Variants in KLHL25 observed in about 807,000 individuals in gnomAD.
KLHL25 encodes kelch like family member 25, also known as kelch-like protein 25.
KLHL25 carries 41 observed loss-of-function variants against 30.0 expected under a neutral mutation model. The observed-to-expected ratio is 1.37, with a 90% CI of 1.07 to 1.78. The LOEUF is 1.78. Among genes scored for constraint, KLHL25 ranks in the 40% most tolerant of loss-of-function variants. The pLI is 0.00. For synonymous variants in KLHL25, 399 were observed against 355.3 expected, an observed-to-expected ratio of 1.12 and a Z score of -1.38; for missense variants, 971 against 824.5, an observed-to-expected ratio of 1.18 and a Z score of -2.18.
At chr15:85,777,454 A>G (rs2089716960) in intron 1 of KLHL25, among the ~76,000 whole-genome samples, 1 of 152,138 alleles carries the variant, frequency 6.6e-6, no homozygotes, top group Admixed American at 6.5e-5. Context: ...TACTCTACAC[A>G]TGGCCCTACC....
At chr15:85,791,425 G>A (rs1306450823) in intron 1 of KLHL25, among the ~76,000 whole-genome samples, 1 of 152,156 alleles carries the variant, frequency 6.6e-6, no homozygotes, top group East Asian at 1.9e-4. Flanking sequence ...AATCCAGGAG[G>A]CAGAAGTTGC....
At chr15:85,766,094 G>T (rs748163109) in intron 2 of KLHL25, among the ~76,000 whole-genome samples, 14 of 152,218 alleles carry the variant, frequency 9.2e-5, no homozygotes, top group Non-Finnish European at 1.9e-4. Context: ...TTCAGCATTT[G>T]TATCAGCAGC....
intron 1 of KLHL25, among the ~76,000 whole-genome samples, chr15:85,779,778 G>A (rs1469633987): frequency 2.6e-5 from 4 of 152,184 alleles, no homozygotes; most frequent in Non-Finnish European, 4.4e-5. Context: ...AGGAACCTTA[G>A]TCTAGTGTCT....
rs1397430602 is a variant in KLHL25 at position 85,768,136 on chromosome 15, C to T, written c.1675G>A (p.Asp559Asn). 1 of 1,614,214 alleles carries T rather than the reference C, an allele frequency of 6.2e-7. No individual in the cohort carries two copies. The highest frequency in any genetic ancestry group is 8.5e-7 in the Non-Finnish European group (1 of 1,180,046). The stretch of plus-strand genomic sequence containing the variant: ...CAGTTCCATGTATCTGAAGTGGGGT[C>T]ATAGCAGTCCAGAGTCTTACACCTC... ...TQRCKTLDCY[D>N]PTSDTWNCIT... Residue 559 changes from aspartate (D) to asparagine (N), a missense_variant, in exon 2 of 3, where the codon GAC (aspartate) becomes AAC (asparagine). Coordinates refer to ENST00000337975, the MANE Select transcript of KLHL25 (RefSeq NM_022480.4).
intron 1 of KLHL25, among the ~76,000 whole-genome samples, chr15:85,772,277 T>G (rs1020376484): frequency 1.3e-5 from 2 of 152,176 alleles, no homozygotes; most frequent in African/African-American, 4.8e-5. Context: ...GAGGTCACGT[T>G]CAAGGGCCCT....
intron 2 of KLHL25, among the ~76,000 whole-genome samples, chr15:85,767,196 A>G (rs1002919222): frequency 1.3e-5 from 2 of 151,994 alleles, no homozygotes; most frequent in African/African-American, 4.8e-5. Flanking sequence ...TTCACTTGTT[A>G]GCCAGGATGG....
At position 85,768,761 on chromosome 15, in the gene KLHL25, G is replaced by A. The variant is rs148244311; in HGVS notation, c.1050C>T (p.Ser350=). ...CKVYVTGGRG[S]ENGVSKDVWV... is the part of the protein sequence containing the mutation. ...AGACATCCTTGGAGACCCCGTTCTC[G>A]GAGCCCCTGCCCCCCGTCACATAGA... Residue 350 remains serine (S), a synonymous_variant, in exon 2 of 3, where the codon TCC becomes TCT. Transcript: ENST00000337975. 32 of 1,612,778 alleles carry A rather than the reference G, an allele frequency of 2.0e-5. No homozygotes were observed. Among genetic ancestry groups the A allele is most frequent in the African/African-American group, 1.6e-4 (12 of 74,938 alleles).
chr15:85,761,847 T>A (rs1231623915), intron 2 of KLHL25: 4 of 152,246 alleles, frequency 2.6e-5, no homozygotes, highest in African/African-American at 9.6e-5. Flanking sequence ...TTGGCTTTGG[T>A]TGTATTTAAG....
chr15:85,768,617 G>C lies in KLHL25; in HGVS notation c.1194C>G (p.Ser398=), dbSNP rs770900595. The C allele has an allele frequency of 1.9e-6, 3 of 1,611,762 alleles. No homozygotes were observed. In the Admixed American group the frequency reaches 5.0e-5, roughly 27 times the overall value. The change falls in exon 2 of 3, where the codon TCC becomes TCG. Residue 398 remains serine, a synonymous_variant. Transcript: ENST00000337975. Reference sequence around the variant, plus strand: ...GCGAGGCCGGGAAGACCCCTGCCAGGGATGTGTGTCCCCCCACCACATAGA... The same window carrying C: ...GCGAGGCCGGGAAGACCCCTGCCAGCGATGTGTGTCCCCCCACCACATAGA... ...NCLYVVGGHT[S]LAGVFPASPS...
intron 1 of KLHL25, among the ~76,000 whole-genome samples, chr15:85,794,181 T>C (rs1393726105): frequency 6.6e-6 from 1 of 152,154 alleles, no homozygotes; most frequent in African/African-American, 2.4e-5. Flanking sequence ...GGGTGTGCCT[T>C]TGAGTGCGAC....
intron 1 of KLHL25, among the ~76,000 whole-genome samples, chr15:85,781,627 G>A (rs1055916405): frequency 1.3e-5 from 2 of 152,046 alleles, no homozygotes; most frequent in Non-Finnish European, 2.9e-5. Context: ...GGGATTATAG[G>A]TACATGCCAC....
intron 1 of KLHL25, among the ~76,000 whole-genome samples, chr15:85,780,104 T>C (rs2089734149): frequency 6.6e-6 from 1 of 152,214 alleles, no homozygotes; most frequent in Admixed American, 6.5e-5. Context: ...AGGTGCCGCC[T>C]GGCTTCTACC....
In KLHL25 at chr15:85,785,093, TC is replaced by T. The variant is rs201377627; in HGVS notation, c.-11+9672del. Among the ~76,000 whole-genome samples the T allele has an allele frequency of 4.7e-4, 67 of 141,764 alleles. 4 individuals carry two copies. The highest frequency in any genetic ancestry group is 2.0e-3 in the East Asian group (10 of 5,112). The allele number at this position is 141,764 out of a possible 152,430, so 93.0% of individuals were successfully genotyped here. A position where few individuals can be genotyped will look rare whatever the true frequency, so the allele number is the denominator to read the frequency against. ...AGCAGAGACTGATGTATTTCTTTTTTCTTTTTTTTTTTTTTTCTGAGACAGT... is the reference window on the plus strand; with the variant it reads ...AGCAGAGACTGATGTATTTCTTTTTTTTTTTTTTTTTTTTTCTGAGACAGT... On this transcript the variant is annotated intron_variant, in intron 1 of 2. Transcript: ENST00000337975.
chr15:85,791,124 G>A (rs559542975), intron 1 of KLHL25, among the ~76,000 whole-genome samples: 4 of 150,078 alleles, frequency 2.7e-5, no homozygotes, highest in African/African-American at 4.9e-5. Flanking sequence ...TGACTTGAGA[G>A]GTGGAGATTG....
chr15:85,776,994 A>G (rs748706031), intron 1 of KLHL25, among the ~76,000 whole-genome samples: 2 of 152,222 alleles, frequency 1.3e-5, no homozygotes, highest in Non-Finnish European at 2.9e-5. Flanking sequence ...AGAATTGTGA[A>G]ATGGCACCTT....
rs1459453962 is a variant in KLHL25, at chr15:85,768,865, T to G, written c.946A>C (p.Lys316Gln). 6.2e-7 allele frequency: 1 copy of G among 1,613,230 alleles called. No individual in the cohort carries two copies. Among genetic ancestry groups the G allele is most frequent in the Non-Finnish European group, 8.5e-7 (1 of 1,180,052 alleles). ...MCDKIYQVDH[K>Q]AKEIIPKADL... ...GCCTTGGGGATGATCTCCTTGGCCTTGTGGTCCACCTGGTAGATCTTGTCA... is the reference window on the plus strand; with the variant it reads ...GCCTTGGGGATGATCTCCTTGGCCTGGTGGTCCACCTGGTAGATCTTGTCA... Residue 316 changes from lysine (K) to glutamine (Q), a missense_variant, in exon 2 of 3, where the codon AAG becomes CAG. Physicochemically the swap from Lys to Gln is moderately conservative, Grantham distance 53 (BLOSUM62 1). Transcript: ENST00000337975.
chr15:85,775,625 G>A (rs1442941842), intron 1 of KLHL25, among the ~76,000 whole-genome samples: 1 of 152,152 alleles, frequency 6.6e-6, no homozygotes, highest in Non-Finnish European at 1.5e-5. Context: ...GGGCCTGACT[G>A]CAGACTTTGA....
intron 1 of KLHL25, 150 bp from the exon 2 acceptor site, chr15:85,769,970 G>A (rs868348441): frequency 3.6e-5 from 24 of 661,444 alleles, no homozygotes; most frequent in Middle Eastern, 4.1e-4. Flanking sequence ...CAACCACGTT[G>A]CCAAGGACAA....
chr15:85,774,013 A>C (rs1678004198), intron 1 of KLHL25, among the ~76,000 whole-genome samples: 1 of 152,088 alleles, frequency 6.6e-6, no homozygotes. Flanking sequence ...TCAGTTGCTC[A>C]AGATATATGT....
Sources: allele counts gnomAD v4.1 joint callset (sites outside exome capture counted in the v4.1 genomes callset), GRCh38; gene constraint gnomAD v4.1.1; transcripts MANE v1.5; gene names NCBI Gene and HGNC (gene_info 2026-07-23, HGNC 2026-07-21).